ADAMTSL1: variants seen among roughly 807,000 people sequenced by gnomAD.
ADAMTSL1 encodes the protein ADAMTS like 1.
A neutral mutation model predicts 201.8 loss-of-function variants in ADAMTSL1; 126 were observed. The observed-to-expected ratio is 0.62, with a 90% CI of 0.54 to 0.72. ADAMTSL1 has a LOEUF of 0.72. ADAMTSL1 is among the 30% of genes least tolerant of loss of function. The probability of loss-of-function intolerance (pLI) is 0.00; values close to 1 mark genes in which losing one functional copy is unlikely to be tolerated. For missense variants in ADAMTSL1, 2,679 were observed against 2,277.8 expected (o/e 1.18, Z -3.59); for synonymous variants, 1,121 against 903.4 (o/e 1.24, Z -4.32).
chr9:18,649,040 T>G (rs1304324163), intron 7 of ADAMTSL1, among the ~76,000 whole-genome samples: 2 of 152,184 alleles, frequency 1.3e-5, no homozygotes, highest in East Asian at 1.9e-4. Context: ...AGACGCAGAT[T>G]TGGTCTTTTC....
chr9:18,367,814 G>C (rs1385884868), intron 2 of ADAMTSL1, among the ~76,000 whole-genome samples: 2 of 152,106 alleles, frequency 1.3e-5, no homozygotes, highest in Non-Finnish European at 2.9e-5. Flanking sequence ...CCAGGCAACG[G>C]ATGGGTGGAT....
In ADAMTSL1 at chr9:18,734,379, G is replaced by A. The variant is rs180851097; in HGVS notation, c.2006+12714G>A. ...CATTATAGAGGAAAGGGACTGCCCA[G>A]TCTAGACCAAGAATGCCCAGCCTTC... On this transcript the variant is annotated intron_variant, in intron 15 of 28. Coordinates refer to ENST00000380548, the MANE Select transcript of ADAMTSL1 (RefSeq NM_001040272.6). Among the ~76,000 whole-genome samples the A allele has an allele frequency of 3.9e-5, 6 of 152,304 alleles. No homozygotes were observed. The East Asian group carries it at 7.7e-4, about 20-fold the overall frequency.
At chr9:18,125,336 A>T (rs935170035) in intron 1 of ADAMTSL1, among the ~76,000 whole-genome samples, 1 of 152,090 alleles carries the variant, frequency 6.6e-6, no homozygotes, top group Non-Finnish European at 1.5e-5. Context: ...CCATAATTCA[A>T]TCACCTCTCA....
At chr9:18,887,766 C>A in intron 23 of ADAMTSL1, 65 bp from the exon 24 acceptor site, 1 of 1,411,698 alleles carries the variant, frequency 7.1e-7, no homozygotes, top group Non-Finnish European at 9.9e-7. Context: ...AGACAGTAAA[C>A]CAGTGCACCA....
chr9:18,689,971 A>G (rs1024493472), intron 13 of ADAMTSL1, among the ~76,000 whole-genome samples: 1 of 152,346 alleles, frequency 6.6e-6, no homozygotes, highest in South Asian at 2.1e-4. Flanking sequence ...ATTGCCATAA[A>G]TAATCTTGTT....
intron 2 of ADAMTSL1, among the ~76,000 whole-genome samples, chr9:18,339,085 C>A (rs975491446): frequency 6.6e-6 from 1 of 151,972 alleles, no homozygotes; most frequent in African/African-American, 2.4e-5. Flanking sequence ...AGTGAACATA[C>A]TCATGCACGT....
intron 2 of ADAMTSL1, among the ~76,000 whole-genome samples, chr9:18,443,386 T>C (rs1332350119): frequency 6.6e-6 from 1 of 152,226 alleles, no homozygotes; most frequent in Non-Finnish European, 1.5e-5. Context: ...ATGAATACCA[T>C]TGCTTACATA....
intron 2 of ADAMTSL1, among the ~76,000 whole-genome samples, chr9:18,201,089 T>G (rs191304289): frequency 8.5e-5 from 13 of 152,216 alleles, no homozygotes; most frequent in African/African-American, 3.1e-4. Context: ...TCATCTATTT[T>G]GCTTGGTGTA....
intron 2 of ADAMTSL1, among the ~76,000 whole-genome samples, chr9:18,418,528 A>G (rs1699006500): frequency 6.6e-6 from 1 of 152,206 alleles, no homozygotes; most frequent in African/African-American, 2.4e-5. Flanking sequence ...AGCAGGATAC[A>G]AGATGATTGG....
chr9:17,996,994 A>G (rs1819407369), intron 1 of ADAMTSL1, among the ~76,000 whole-genome samples: 2 of 152,178 alleles, frequency 1.3e-5, no homozygotes, highest in Non-Finnish European at 1.5e-5. Flanking sequence ...GCTATTTCAG[A>G]TAAGAACCTA....
At chr9:17,950,759 A>T (rs1025200876) in intron 1 of ADAMTSL1, among the ~76,000 whole-genome samples, 99 of 152,228 alleles carry the variant, frequency 6.5e-4, no homozygotes, top group African/African-American at 2.3e-3. Context: ...GGCACGGCAC[A>T]CTCATGCTGG....
At chr9:18,065,409 T>C (rs1430168078) in intron 1 of ADAMTSL1, among the ~76,000 whole-genome samples, 9 of 152,218 alleles carry the variant, frequency 5.9e-5, no homozygotes, top group Non-Finnish European at 1.3e-4. Context: ...TTCAATCATT[T>C]GCATGCCCTC....
intron 2 of ADAMTSL1, among the ~76,000 whole-genome samples, chr9:18,348,645 C>T (rs1835829378): frequency 6.6e-6 from 1 of 152,090 alleles, no homozygotes; most frequent in Admixed American, 6.6e-5. Flanking sequence ...TGCAGACTTC[C>T]TTTTTACACA....
intron 10 of ADAMTSL1, among the ~76,000 whole-genome samples, chr9:18,677,001 T>C (rs904324227): frequency 1.3e-5 from 2 of 152,084 alleles, no homozygotes; most frequent in African/African-American, 4.8e-5. Flanking sequence ...TACGCAAATA[T>C]GCATTCATAT....
At chr9:18,105,396 G>A (rs1049655647) in intron 1 of ADAMTSL1, among the ~76,000 whole-genome samples, 1 of 152,118 alleles carries the variant, frequency 6.6e-6, no homozygotes, top group Non-Finnish European at 1.5e-5. Flanking sequence ...CCCAACCAAC[G>A]ACCAGTTCAT....
At chr9:18,417,383 A>AAAAAAAAAAAAAAAAAAAAAAG (rs1563946563) in intron 2 of ADAMTSL1, among the ~76,000 whole-genome samples, 1 of 123,004 alleles carries the variant, frequency 8.1e-6, no homozygotes, top group Non-Finnish European at 2.0e-5. Context: ...AAAAAAAAAG[A>AAAAAAAAAAAAAAAAAAAAAAG]AAAAAAAAAC....
At chr9:18,122,220 A>G (rs1008968153) in intron 1 of ADAMTSL1, among the ~76,000 whole-genome samples, 5 of 152,172 alleles carry the variant, frequency 3.3e-5, no homozygotes, top group Admixed American at 1.3e-4. Flanking sequence ...AAACTTATAA[A>G]TGCATGTTCA....
chr9:18,651,598 A>G (rs1033741803), intron 7 of ADAMTSL1: 1 of 152,234 alleles, frequency 6.6e-6, no homozygotes, highest in African/African-American at 2.4e-5. Context: ...TTTCCTGCAG[A>G]GGACAATTTT....
intron 1 of ADAMTSL1, among the ~76,000 whole-genome samples, chr9:18,155,586 T>C (rs1041517634): frequency 6.6e-6 from 1 of 152,032 alleles, no homozygotes; most frequent in South Asian, 2.1e-4. Flanking sequence ...TCAGTTATCA[T>C]TAGTGTTAGT....
Sources: allele counts gnomAD v4.1 joint callset (sites outside exome capture counted in the v4.1 genomes callset), GRCh38; gene constraint gnomAD v4.1.1; transcripts MANE v1.5; gene names NCBI Gene and HGNC (gene_info 2026-07-23, HGNC 2026-07-21).